The following PTPRM variants were observed in gnomAD, a reference collection of about 807,000 sequenced individuals.
PTPRM encodes the protein receptor-type tyrosine-protein phosphatase mu.
Under a neutral mutation model 186.7 loss-of-function variants are expected in PTPRM, and 47 were observed. The observed-to-expected ratio is 0.25, with a 90% CI of 0.20 to 0.32. PTPRM has a LOEUF of 0.32. Ranked by LOEUF, PTPRM falls within the 10% of genes least tolerant of loss-of-function variation. The pLI is 1.00. For synonymous variants in PTPRM, 668 were observed against 674.9 expected (o/e 0.99, Z 0.16); for missense variants, 1,494 against 1,865.0 (o/e 0.80, Z 3.66).
intron 19 of PTPRM, among the ~76,000 whole-genome samples, chr18:8,255,994 C>T (rs1044587169): frequency 1.3e-5 from 2 of 152,208 alleles, no homozygotes; most frequent in African/African-American, 2.4e-5. Flanking sequence ...TGCAGGTACT[C>T]ATATGTCCCA....
chr18:8,394,028 G>A (rs555503656), intron 31 of PTPRM, among the ~76,000 whole-genome samples: 14 of 152,254 alleles, frequency 9.2e-5, no homozygotes, highest in Non-Finnish European at 1.3e-4. Context: ...TCCTGACCTC[G>A]TGATCCACCC....
chr18:7,591,030 G>C (rs1436537648), intron 1 of PTPRM, among the ~76,000 whole-genome samples: 1 of 152,202 alleles, frequency 6.6e-6, no homozygotes. Flanking sequence ...CTGGCAAAGA[G>C]TGACTCTCAT....
intron 17 of PTPRM, 170 bp downstream of exon 17, chr18:8,248,346 C>A: frequency 1.4e-6 from 1 of 735,908 alleles, no homozygotes; most frequent in Non-Finnish European, 2.5e-6. Flanking sequence ...AGACTTTTCT[C>A]TAAACAGTCG....
At chr18:8,326,176 T>C (rs1385808092) in intron 22 of PTPRM, among the ~76,000 whole-genome samples, 1 of 152,202 alleles carries the variant, frequency 6.6e-6, no homozygotes, top group Non-Finnish European at 1.5e-5. Context: ...AGCTCTTTAA[T>C]TAGGTCTGAT....
chr18:7,950,678 G>GTGA (rs2052889923), intron 6 of PTPRM, among the ~76,000 whole-genome samples: 3 of 152,098 alleles, frequency 2.0e-5, no homozygotes, highest in African/African-American at 7.2e-5. Flanking sequence ...GTGAGCAATG[G>GTGA]GTGCTTGAAA....
chr18:7,675,122 AC>A (rs957629252), intron 1 of PTPRM, among the ~76,000 whole-genome samples: 1 of 152,240 alleles, frequency 6.6e-6, no homozygotes, highest in Non-Finnish European at 1.5e-5. Context: ...GAAAACCTAA[AC>A]TAAATTGGGT....
intron 23 of PTPRM, among the ~76,000 whole-genome samples, 200 bp from the exon 24 acceptor site, chr18:8,370,690 C>T (rs1393540932): frequency 1.3e-5 from 2 of 152,086 alleles, no homozygotes; most frequent in African/African-American, 2.4e-5. Flanking sequence ...CCAGGTTTTA[C>T]GTCTCCCATA....
In PTPRM at chr18:7,568,274, C is replaced by A. The variant is rs913078699; in HGVS notation, c.73+383C>A. Among the ~76,000 whole-genome samples, 5 of 151,808 alleles carry A rather than the reference C, an allele frequency of 3.3e-5. No homozygotes were observed. The highest frequency in any genetic ancestry group is 7.4e-5 in the Non-Finnish European group (5 of 67,910). ...GTTCCCAGTTGCAGCCGCCGGGCCG[C>A]CTGGCGTAGGCGCTGCGCGGTCCCC... On this transcript the variant is annotated intron_variant, in intron 1 of 32. Transcript: ENST00000580170. This position sits in a 1 kb window ranked among gnomAD's most constrained non-coding sequence, Gnocchi z 5.1.
intron 7 of PTPRM, among the ~76,000 whole-genome samples, chr18:7,964,574 C>G (rs1197500095): frequency 6.6e-6 from 1 of 152,030 alleles, no homozygotes; most frequent in African/African-American, 2.4e-5. Flanking sequence ...CTGGTGGCTC[C>G]CGAATGAATC....
chr18:8,113,384 G>A lies in PTPRM; in HGVS notation c.1857-102G>A, dbSNP rs565590226. Reference sequence around the variant, plus strand: ...GCACTTAGTATGGACTGCGTCCAGTGTGTTCTTTATTTTGCGTGTCCTGTG... The same window carrying A: ...GCACTTAGTATGGACTGCGTCCAGTATGTTCTTTATTTTGCGTGTCCTGTG... On this transcript the variant is annotated intron_variant, in intron 11 of 32. Transcript: ENST00000580170. 58 of 1,060,966 alleles carry A rather than the reference G, an allele frequency of 5.5e-5. 1 individual carries two copies. In the South Asian group the frequency reaches 7.7e-4, roughly 14 times the overall value. The allele number at this position is 1,060,966 out of a possible 1,614,324, so 65.7% of individuals were successfully genotyped here. A position where few individuals can be genotyped will look rare whatever the true frequency, so the allele number is the denominator to read the frequency against.
At chr18:7,981,826 G>A (rs1350033107) in intron 7 of PTPRM, among the ~76,000 whole-genome samples, 1 of 152,186 alleles carries the variant, frequency 6.6e-6, no homozygotes, top group Non-Finnish European at 1.5e-5. Flanking sequence ...TGTATTGAAT[G>A]CTGTAGACTC....
intron 2 of PTPRM, among the ~76,000 whole-genome samples, chr18:7,797,293 T>G (rs905675698): frequency 2.6e-5 from 4 of 152,228 alleles, no homozygotes; most frequent in Admixed American, 6.5e-5. Flanking sequence ...TCCTGTCCTG[T>G]CCTGAGGTCC....
chr18:7,621,010 C>T (rs1405414135), intron 1 of PTPRM, among the ~76,000 whole-genome samples: 7 of 151,938 alleles, frequency 4.6e-5, no homozygotes, highest in South Asian at 2.1e-4. Context: ...AGTGAGACCC[C>T]GTGTCTACTA....
intron 1 of PTPRM, among the ~76,000 whole-genome samples, chr18:7,684,886 T>C (rs1013523599): frequency 1.3e-5 from 2 of 152,194 alleles, no homozygotes; most frequent in African/African-American, 2.4e-5. Flanking sequence ...TGCTGGATCA[T>C]ATGATGTTTC....
intron 13 of PTPRM, among the ~76,000 whole-genome samples, chr18:8,135,301 A>G (rs2092612485): frequency 1.3e-5 from 2 of 152,206 alleles, no homozygotes; most frequent in Admixed American, 1.3e-4. Flanking sequence ...GTAAGATATT[A>G]TTATATTAGG....
rs140213904 is a variant in PTPRM, at chr18:8,328,020, C to G, written c.2956+8806C>G. On this transcript the variant is annotated intron_variant, in intron 22 of 32. Coordinates refer to ENST00000580170, the MANE Select transcript of PTPRM (RefSeq NM_001105244.2). ...GTTTATAGTGGAAATATTTACAGAG[C>G]CTCAAACACTGCACAACAGTTCAAA... Among the ~76,000 whole-genome samples, 428 of 152,272 alleles carry G rather than the reference C, an allele frequency of 2.8e-3. 3 individuals carry two copies. The highest frequency in any genetic ancestry group is 0.014 in the East Asian group (74 of 5,180).
intron 3 of PTPRM, among the ~76,000 whole-genome samples, chr18:7,893,314 A>G (rs1024245925): frequency 1.2e-4 from 19 of 152,216 alleles, no homozygotes; most frequent in Admixed American, 5.9e-4. Context: ...ATGGCTAGGT[A>G]CCTACAGAAA....
chr18:8,401,864 C>T (rs543506196), intron 32 of PTPRM, among the ~76,000 whole-genome samples: 5 of 152,316 alleles, frequency 3.3e-5, no homozygotes, highest in Non-Finnish European at 5.9e-5. Flanking sequence ...TGATCGGGAG[C>T]GGGGCCAGCG....
chr18:7,791,360 C>G (rs2043336412), intron 2 of PTPRM, among the ~76,000 whole-genome samples: 1 of 152,148 alleles, frequency 6.6e-6, no homozygotes, highest in African/African-American at 2.4e-5. Context: ...ACAAATAAAT[C>G]TCACAATGTC....
Sources: allele counts gnomAD v4.1 joint callset (sites outside exome capture counted in the v4.1 genomes callset), GRCh38; gene constraint gnomAD v4.1.1; non-coding constraint Gnocchi (gnomAD v3.1); transcripts MANE v1.5; gene names NCBI Gene and HGNC (gene_info 2026-07-23, HGNC 2026-07-21).